Variants in CCDC146 observed in about 807,000 individuals in gnomAD.
The protein encoded by CCDC146 is coiled-coil domain-containing protein 146.
In CCDC146, 92 loss-of-function variants were observed where a neutral mutation model predicts 119.3. The observed-to-expected ratio is 0.77, with a 90% CI of 0.65 to 0.92. The LOEUF (loss-of-function observed/expected upper bound fraction) is 0.92, where lower values mean the gene tolerates loss of function less well. Ranked by LOEUF, CCDC146 falls within the 40% of genes least tolerant of loss-of-function variation. The probability of loss-of-function intolerance (pLI) is 0.00; values close to 1 mark genes in which losing one functional copy is unlikely to be tolerated. For missense variants in CCDC146, 1,000 were observed against 1,103.0 expected, an observed-to-expected ratio of 0.91 and a Z score of 1.32; for synonymous variants, 372 against 371.8, an observed-to-expected ratio of 1.00 and a Z score of -0.01.
At position 77,279,086 on chromosome 7, in the gene CCDC146, C is replaced by T. The variant is rs145295237; in HGVS notation, c.1679C>T (p.Ala560Val). Residue 560 changes from alanine to valine, a missense_variant, in exon 13 of 19, where the codon GCC (alanine) becomes GTC (valine). Physicochemically the swap from Ala to Val is moderately conservative, Grantham distance 64. This residue lies in a region of CCDC146 where 985 missense variants were observed against 1,045.3 expected (regional missense o/e 0.94). Coordinates refer to ENST00000285871, the MANE Select transcript of CCDC146 (RefSeq NM_020879.3). Reference sequence around the variant, plus strand: ...GAACTTGAAATTCTGAGAAATAGTGCCGTTAGTCAAGAAAGGTAAGTGTTA... The same window carrying T: ...GAACTTGAAATTCTGAGAAATAGTGTCGTTAGTCAAGAAAGGTAAGTGTTA... Reference protein sequence around the residue: ...LNELEILRNSAVSQERKLQNS... With the variant: ...LNELEILRNSVVSQERKLQNS... The T allele has an allele frequency of 4.3e-6, 7 of 1,609,746 alleles. No homozygotes were observed. In the East Asian group the frequency reaches 6.7e-5, roughly 15 times the overall value.
intron 4 of CCDC146, among the ~76,000 whole-genome samples, chr7:77,242,942 AG>A (rs753979840): frequency 6.6e-6 from 1 of 152,046 alleles, no homozygotes; most frequent in Non-Finnish European, 1.5e-5. Context: ...GATCCTATTC[AG>A]GGGGGAAAAT....
chr7:77,214,179 C>G (rs562568808), intron 2 of CCDC146, among the ~76,000 whole-genome samples: 3 of 152,142 alleles, frequency 2.0e-5, no homozygotes, highest in African/African-American at 7.2e-5. Context: ...GATGGTATCC[C>G]ATTGTGGTTT....
chr7:77,122,860 G>C (rs71555951), intron 1 of CCDC146, 128 bp downstream of exon 1: 1 of 152,932 alleles, frequency 6.5e-6, no homozygotes, highest in Non-Finnish European at 1.5e-5. Context: ...CTTGGTAAGA[G>C]AGTAAAGAGC....
Position 77,124,291 on chromosome 7 carries a change from T to C in CCDC146, c.-12+1559T>C, listed in dbSNP as rs1584007607. 2.0e-5 allele frequency among the ~76,000 whole-genome samples: 3 copies of C among 152,272 alleles called. No individual in the cohort carries two copies. In the East Asian group the frequency reaches 5.8e-4, roughly 29 times the overall value. ...GGTTGAAAATGGAGAAAATTATTAA[T>C]ATTAAGATTGGTATAAAATAGTTAA... On this transcript the variant is annotated intron_variant, in intron 1 of 18. Coordinates refer to ENST00000285871, the MANE Select transcript of CCDC146 (RefSeq NM_020879.3).
At chr7:77,223,205 A>G (rs1406462344) in intron 2 of CCDC146, among the ~76,000 whole-genome samples, 1 of 152,232 alleles carries the variant, frequency 6.6e-6, no homozygotes, top group African/African-American at 2.4e-5. Context: ...TGATTGTTAA[A>G]GGTCTAAGCA....
intron 2 of CCDC146, among the ~76,000 whole-genome samples, chr7:77,212,498 G>A (rs1333268837): frequency 1.3e-5 from 2 of 151,620 alleles, no homozygotes; most frequent in Non-Finnish European, 2.9e-5. Context: ...GCGTGCACCT[G>A]TAGTCCCAGC....
intron 8 of CCDC146, among the ~76,000 whole-genome samples, chr7:77,260,751 C>T (rs1222628660): frequency 6.6e-6 from 1 of 152,040 alleles, no homozygotes; most frequent in East Asian, 1.9e-4. Context: ...CTCAGCCTCC[C>T]GAGTAGTTGG....
chr7:77,293,859 G>T (rs574048506), intron 18 of CCDC146, among the ~76,000 whole-genome samples: 2 of 152,256 alleles, frequency 1.3e-5, no homozygotes, highest in African/African-American at 4.8e-5. Context: ...TTGCCAAGTG[G>T]GTATCACCGA....
At chr7:77,271,640 C>A (rs1279689468) in intron 9 of CCDC146, among the ~76,000 whole-genome samples, 1 of 146,694 alleles carries the variant, frequency 6.8e-6, no homozygotes, top group Non-Finnish European at 1.5e-5. Context: ...GCTAGGCAAC[C>A]AGGAGGCTCT....
At chr7:77,188,060 C>T (rs944551648) in intron 2 of CCDC146, among the ~76,000 whole-genome samples, 6 of 152,224 alleles carry the variant, frequency 3.9e-5, no homozygotes, top group African/African-American at 1.4e-4. Context: ...TTCTGTACCT[C>T]GCTTCCGATT....
rs1158734752 is a variant in CCDC146, at chr7:77,278,826, T to C, written c.1515T>C (p.Cys505=). The part of the protein sequence containing the change: ...LEIRIHKKKK[C]EIYRRLREFA... Reference sequence around the variant, plus strand: ...TCAGGATACACAAGAAGAAAAAATGTGAAATTTATCGGAGGTAAAGTAATT... The same window carrying C: ...TCAGGATACACAAGAAGAAAAAATGCGAAATTTATCGGAGGTAAAGTAATT... The change falls in exon 12 of 19, where the codon TGT becomes TGC. Residue 505 remains cysteine (C), a synonymous_variant. Transcript: ENST00000285871. 1 of 1,611,952 alleles carries C rather than the reference T, an allele frequency of 6.2e-7. No individual in the cohort carries two copies. Among genetic ancestry groups the C allele is most frequent in the East Asian group, 2.2e-5 (1 of 44,834 alleles).
chr7:77,218,584 T>C (rs35473022), intron 2 of CCDC146, among the ~76,000 whole-genome samples: 16,051 of 151,758 alleles, frequency 0.11, 1,113 homozygotes, highest in Non-Finnish European at 0.16. Flanking sequence ...AGTGGAAAAC[T>C]CAGATTTTTA....
Position 77,277,657 on chromosome 7 carries a change from T to C in CCDC146, c.1441-1095T>C, listed in dbSNP as rs574657418. 2.6e-5 allele frequency among the ~76,000 whole-genome samples: 4 copies of C among 152,288 alleles called. No individual in the cohort carries two copies. In the South Asian group the frequency reaches 8.3e-4, roughly 32 times the overall value. ...AGATGACACTACATTTTCCCATCTG[T>C]TTTATTATTCATGTGTACAGTTACT... is the stretch of plus-strand genomic sequence containing the variant. On this transcript the variant is annotated intron_variant, in intron 11 of 18. Coordinates refer to ENST00000285871, the MANE Select transcript of CCDC146 (RefSeq NM_020879.3).
At chr7:77,286,011 G>T (rs77288233) in intron 15 of CCDC146, among the ~76,000 whole-genome samples, 12,259 of 152,264 alleles carry the variant, frequency 0.081, 693 homozygotes, top group Non-Finnish European at 0.11. Flanking sequence ...GTAACAACCT[G>T]CAATGAAGAG....
Position 77,216,364 on chromosome 7 carries a change from C to T in CCDC146, c.157-20583C>T, listed in dbSNP as rs12112714. ...CCTAAAGTTTTCTAAATGCGCTTCA[C>T]ACTGCCTCTATGCCATCAGCAAGAT... On this transcript the variant is annotated intron_variant, in intron 2 of 18. Transcript: ENST00000285871. Among the ~76,000 whole-genome samples, 1,296 of 152,232 alleles carry T rather than the reference C, an allele frequency of 8.5e-3. 20 individuals are homozygous for T. The highest frequency in any genetic ancestry group is 0.029 in the African/African-American group (1,217 of 41,538).
intron 1 of CCDC146, among the ~76,000 whole-genome samples, chr7:77,143,022 G>C (rs1439900827): frequency 6.6e-6 from 1 of 151,814 alleles, no homozygotes. Context: ...CTAGTTTACA[G>C]TCCCACCAAC....
At chr7:77,166,573 G>T (rs1324779236) in intron 1 of CCDC146, among the ~76,000 whole-genome samples, 4 of 151,086 alleles carry the variant, frequency 2.6e-5, no homozygotes, top group Admixed American at 2.6e-4. Context: ...GATCAATCAA[G>T]ATATTACATT....
At chr7:77,199,631 A>G (rs1791946825) in intron 2 of CCDC146, 1 of 1,613,682 alleles carries the variant, frequency 6.2e-7, no homozygotes, top group East Asian at 2.2e-5. Flanking sequence ...TGGTAGGGGC[A>G]CTCCCCTGCC....
chr7:77,266,027 C>G (rs1245283838), intron 9 of CCDC146, among the ~76,000 whole-genome samples: 1 of 152,128 alleles, frequency 6.6e-6, no homozygotes, highest in Admixed American at 6.5e-5. Flanking sequence ...GACGGTATAC[C>G]TCTGCATTTA....
Sources: allele counts gnomAD v4.1 joint callset (sites outside exome capture counted in the v4.1 genomes callset), GRCh38; gene constraint gnomAD v4.1.1; regional missense constraint gnomAD v4.1.1; transcripts MANE v1.5; gene names NCBI Gene and HGNC (gene_info 2026-07-23, HGNC 2026-07-21).